The following KIRREL3 variants were observed in gnomAD, a reference collection of about 807,000 sequenced individuals.
KIRREL3 encodes the protein kirre like nephrin family adhesion molecule 3.
Under a neutral mutation model 89.7 loss-of-function variants are expected in KIRREL3, and 36 were observed. That is an observed-to-expected ratio of 0.40 (90% CI 0.31 to 0.53). The LOEUF is 0.53. Ranked by LOEUF, KIRREL3 falls within the 20% of genes least tolerant of loss-of-function variation. The probability of loss-of-function intolerance (pLI) is 0.49; values close to 1 mark genes in which losing one functional copy is unlikely to be tolerated. For missense variants in KIRREL3, 864 were observed against 1,056.6 expected (o/e 0.82, Z 2.53); for synonymous variants, 445 against 441.4 (o/e 1.01, Z -0.10).
intron 13 of KIRREL3, among the ~76,000 whole-genome samples, chr11:126,433,997 A>G (rs1955228788): frequency 6.6e-6 from 1 of 152,108 alleles, no homozygotes; most frequent in South Asian, 2.1e-4. Flanking sequence ...GTGCCCTCTT[A>G]GCTGGACAAC....
In KIRREL3 at chr11:126,697,113, C is replaced by G. The variant is rs1451191340; in HGVS notation, c.56-134201G>C. ...CCTTCGGGCTGCGGCTTAGCATGTT[C>G]CCCTCAGCCTCCTTGCAAATGAAGG... is the stretch of plus-strand genomic sequence containing the variant. On this transcript the variant is annotated intron_variant, in intron 1 of 16. Coordinates refer to ENST00000525144, the MANE Select transcript of KIRREL3 (RefSeq NM_032531.4). The surrounding 1 kb of genome is among the most constrained non-coding windows in gnomAD (Gnocchi z 4.2). 1.3e-5 allele frequency among the ~76,000 whole-genome samples: 2 copies of G among 152,214 alleles called. No homozygotes were observed. The highest frequency in any genetic ancestry group is 4.8e-5 in the African/African-American group (2 of 41,466).
rs1405970434 is a variant in KIRREL3 at position 126,685,738 on chromosome 11, A to T, written c.56-122826T>A. ...TTTGAGATCTTGCCTATGACGGCAA[A>T]TGTCTCCCCACCGTCGGCAGCATCT... On this transcript the variant is annotated intron_variant, in intron 1 of 16. Coordinates refer to ENST00000525144, the MANE Select transcript of KIRREL3 (RefSeq NM_032531.4). This position sits in a 1 kb window ranked among gnomAD's most constrained non-coding sequence, Gnocchi z 5.5. 2.0e-5 allele frequency among the ~76,000 whole-genome samples: 3 copies of T among 152,134 alleles called. No homozygotes were observed. Among genetic ancestry groups the T allele is most frequent in the African/African-American group, 7.2e-5 (3 of 41,428 alleles).
rs58257040 is a variant in KIRREL3, at chr11:126,689,042, AAGAGAGAGAGAGAG to A, written c.56-126144_56-126131del. Among the ~76,000 whole-genome samples the A allele has an allele frequency of 6.2e-5, 8 of 129,816 alleles. No individual in the cohort carries two copies. The highest frequency in any genetic ancestry group is 2.8e-4 in the South Asian group (1 of 3,596). 85.2% of individuals were successfully genotyped at this position (129,816 alleles called of 152,430 possible). ...ATGTGTGTGTGTGTAAGGGGGAGAG[AAGAGAGAGAGAGAG>A]AGAGAGAGAGAGAGAGAGAGAGAGA... is the stretch of plus-strand genomic sequence containing the variant. On this transcript the variant is annotated intron_variant, in intron 1 of 16. Coordinates refer to ENST00000525144, the MANE Select transcript of KIRREL3 (RefSeq NM_032531.4). The surrounding 1 kb of genome is among the most constrained non-coding windows in gnomAD (Gnocchi z 5.2).
In KIRREL3 at chr11:126,668,285, T is replaced by C. The variant is rs1239375335; in HGVS notation, c.56-105373A>G. Among the ~76,000 whole-genome samples the C allele has an allele frequency of 6.6e-6, 1 of 152,164 alleles. No individual in the cohort carries two copies. Among genetic ancestry groups the C allele is most frequent in the Non-Finnish European group, 1.5e-5 (1 of 68,026 alleles). Reference sequence around the variant, plus strand: ...AGAGGCCTTTCTTGGACATCTTTCATAAAGGCACTAATCCCATTCATGAAC... The same window carrying C: ...AGAGGCCTTTCTTGGACATCTTTCACAAAGGCACTAATCCCATTCATGAAC... On this transcript the variant is annotated intron_variant, in intron 1 of 16. Coordinates refer to ENST00000525144, the MANE Select transcript of KIRREL3 (RefSeq NM_032531.4). This position sits in a 1 kb window ranked among gnomAD's most constrained non-coding sequence, Gnocchi z 4.4.
At chr11:126,470,906 T>G (rs887675500) in intron 5 of KIRREL3, among the ~76,000 whole-genome samples, 1 of 152,210 alleles carries the variant, frequency 6.6e-6, no homozygotes, top group African/African-American at 2.4e-5. Context: ...TAAGGCCTCA[T>G]TCATCTTAGA....
chr11:126,445,065 C>A lies in KIRREL3; in HGVS notation c.1166G>T (p.Arg389Leu). 1 of 1,614,008 alleles carries A rather than the reference C, an allele frequency of 6.2e-7. No individual in the cohort carries two copies. Among genetic ancestry groups the A allele is most frequent in the Non-Finnish European group, 8.5e-7 (1 of 1,179,898 alleles). Residue 389 changes from arginine (R) to leucine (L), a missense_variant, in exon 10 of 17, where the codon CGC (arginine) becomes CTC (leucine). Arg to Leu is a moderately radical substitution (Grantham distance 102). Coordinates refer to ENST00000525144, the MANE Select transcript of KIRREL3 (RefSeq NM_032531.4). ...NEKTLTLKSV[R>L]QEDAGKYVCR... ...CACGTACTTGCCCGCGTCCTCCTGG[C>A]GCACGGATTTGAGGGTCAGGGTCTT...
intron 1 of KIRREL3, among the ~76,000 whole-genome samples, chr11:126,852,035 G>A (rs4937211): frequency 0.85 from 126,724 of 149,212 alleles, 53,993 homozygotes; most frequent in East Asian, 1. Flanking sequence ...AATTCAGAAG[G>A]TTGGGGCTAT....
In KIRREL3 at chr11:126,807,831, G is replaced by A. The variant is rs914049731; in HGVS notation, c.55+192624C>T. Among the ~76,000 whole-genome samples, 1 of 152,182 alleles carries A rather than the reference G, an allele frequency of 6.6e-6. No individual in the cohort carries two copies. Among genetic ancestry groups the A allele is most frequent in the African/African-American group, 2.4e-5 (1 of 41,424 alleles). ...GTGTTTACCCACTACCAGGCACTCT[G>A]TTAGGCACTTTACATATATTGTCTC... is the stretch of plus-strand genomic sequence containing the variant. On this transcript the variant is annotated intron_variant, in intron 1 of 16. Coordinates refer to ENST00000525144, the MANE Select transcript of KIRREL3 (RefSeq NM_032531.4). The surrounding 1 kb of genome is among the most constrained non-coding windows in gnomAD (Gnocchi z 4.3).
intron 7 of KIRREL3, among the ~76,000 whole-genome samples, chr11:126,449,368 A>C (rs1311695983): frequency 6.6e-6 from 1 of 152,202 alleles, no homozygotes; most frequent in Non-Finnish European, 1.5e-5. Flanking sequence ...TTGTGAAGGC[A>C]GTGGGCTTTG....
chr11:126,444,619 C>A (rs1029441689), intron 10 of KIRREL3, among the ~76,000 whole-genome samples: 7 of 152,182 alleles, frequency 4.6e-5, no homozygotes, highest in African/African-American at 9.7e-5. Context: ...ACAAAAAATT[C>A]TCACGGGCCA....
rs1467378702 is a variant in KIRREL3, at chr11:126,870,722, A to G, written c.55+129733T>C. ...CAGTGATAATGTGAGCAGGAGTCCA[A>G]GAGGTCACGAGGCATACCCAGCTCC... On this transcript the variant is annotated intron_variant, in intron 1 of 16. Coordinates refer to ENST00000525144, the MANE Select transcript of KIRREL3 (RefSeq NM_032531.4). This position sits in a 1 kb window ranked among gnomAD's most constrained non-coding sequence, Gnocchi z 4.4. Among the ~76,000 whole-genome samples, 2 of 152,190 alleles carry G rather than the reference A, an allele frequency of 1.3e-5. No individual in the cohort carries two copies. Among genetic ancestry groups the G allele is most frequent in the East Asian group, 1.9e-4 (1 of 5,188 alleles).
Position 126,948,264 on chromosome 11 carries a change from A to C in KIRREL3, c.55+52191T>G. On this transcript the variant is annotated intron_variant, in intron 1 of 16. Coordinates refer to ENST00000525144, the MANE Select transcript of KIRREL3 (RefSeq NM_032531.4). This position sits in a 1 kb window ranked among gnomAD's most constrained non-coding sequence, Gnocchi z 4.5. ...TATTGAAATTGTACTTGATAATGAAAAAGTTGGTCAAATTTCAAGAATAGC... is the reference window on the plus strand; with the variant it reads ...TATTGAAATTGTACTTGATAATGAACAAGTTGGTCAAATTTCAAGAATAGC... Among the ~76,000 whole-genome samples, 1 of 151,838 alleles carries C rather than the reference A, an allele frequency of 6.6e-6. No homozygotes were observed. Among genetic ancestry groups the C allele is most frequent in the East Asian group, 1.9e-4 (1 of 5,190 alleles).
intron 1 of KIRREL3, among the ~76,000 whole-genome samples, chr11:126,585,211 G>C (rs2217147): frequency 0.17 from 24,121 of 141,304 alleles, 2,448 homozygotes; most frequent in East Asian, 0.44. Context: ...GAGCCACCGC[G>C]CCCGGCCTCT....
intron 1 of KIRREL3, among the ~76,000 whole-genome samples, chr11:126,933,682 T>C (rs1359909796): frequency 2.0e-5 from 3 of 151,884 alleles, no homozygotes; most frequent in African/African-American, 7.3e-5. Flanking sequence ...AAGATATCAA[T>C]TCCATTTACA....
chr11:126,746,251 T>TG (rs1161849966), intron 1 of KIRREL3, among the ~76,000 whole-genome samples: 7 of 152,222 alleles, frequency 4.6e-5, no homozygotes, highest in African/African-American at 1.7e-4. Flanking sequence ...ACATGAATGA[T>TG]GGGCCCTTGC....
chr11:126,767,721 C>T (rs989789822), intron 1 of KIRREL3, among the ~76,000 whole-genome samples: 1 of 152,090 alleles, frequency 6.6e-6, no homozygotes, highest in Non-Finnish European at 1.5e-5. Flanking sequence ...TGAGAATGTA[C>T]GTATGTTCAG....
In KIRREL3 at chr11:126,459,513, A is replaced by G. The variant is rs767200562; in HGVS notation, c.743-3059T>C. ...CTTCTTTCTCCACTTCTGCTGGTGT[A>G]CAGAATATACATTTTCAGGAGTCTG... On this transcript the variant is annotated intron_variant, in intron 6 of 16. Transcript: ENST00000525144. This position sits in a 1 kb window ranked among gnomAD's most constrained non-coding sequence, Gnocchi z 4.8. 1.2e-4 allele frequency among the ~76,000 whole-genome samples: 19 copies of G among 152,180 alleles called. No individual in the cohort carries two copies. The highest frequency in any genetic ancestry group is 2.4e-4 in the Non-Finnish European group (16 of 68,030).
rs910518865 is a variant in KIRREL3, at chr11:126,941,783, G to C, written c.55+58672C>G. 2.0e-5 allele frequency among the ~76,000 whole-genome samples: 3 copies of C among 152,302 alleles called. No individual in the cohort carries two copies. The Middle Eastern group carries it at 0.01, about 518-fold the overall frequency. On this transcript the variant is annotated intron_variant, in intron 1 of 16. Transcript: ENST00000525144. ...GGCCGTGCCCTGGGAAGGATGGTAG[G>C]CCTCCAGGGATCTATCTCAGTGTAA...
In KIRREL3 at chr11:126,635,291, C is replaced by T. The variant is rs1741295302; in HGVS notation, c.56-72379G>A. Among the ~76,000 whole-genome samples the T allele has an allele frequency of 6.6e-6, 1 of 152,196 alleles. No individual in the cohort carries two copies. The highest frequency in any genetic ancestry group is 1.5e-5 in the Non-Finnish European group (1 of 68,032). On this transcript the variant is annotated intron_variant, in intron 1 of 16. Coordinates refer to ENST00000525144, the MANE Select transcript of KIRREL3 (RefSeq NM_032531.4). The surrounding 1 kb of genome is among the most constrained non-coding windows in gnomAD (Gnocchi z 4.0). ...GCTTCCCTCCAAGGCAGAAGGTAAC[C>T]CCTCCCAGTCCAGAGCAAATCACGG...
Sources: gnomAD v4.1 joint callset for allele counts (sites outside exome capture counted in the v4.1 genomes callset) on GRCh38, gnomAD v4.1.1 for gene constraint, Gnocchi (gnomAD v3.1) non-coding constraint, MANE v1.5 for transcripts, NCBI Gene and HGNC (gene_info 2026-07-23, HGNC 2026-07-21) for gene names.